The following PLA2R1 variants were observed in gnomAD, a reference collection of about 807,000 sequenced individuals.
The protein encoded by PLA2R1 is phospholipase A2 receptor 1, also known as secretory phospholipase A2 receptor.
A neutral mutation model predicts 195.9 loss-of-function variants in PLA2R1; 158 were observed. The observed-to-expected ratio is 0.81, with a 90% confidence interval of 0.71 to 0.92. PLA2R1 has a LOEUF of 0.92. Ranked by LOEUF, PLA2R1 falls within the 40% of genes least tolerant of loss-of-function variation. The pLI is 0.00. For missense variants in PLA2R1, 1,626 were observed against 1,764.6 expected, an observed-to-expected ratio of 0.92 and a Z score of 1.41; for synonymous variants, 586 against 598.2, an observed-to-expected ratio of 0.98 and a Z score of 0.30.
chr2:160,008,335 G>T, intron 10 of PLA2R1, among the ~76,000 whole-genome samples: 1 of 152,086 alleles, frequency 6.6e-6, no homozygotes, highest in East Asian at 1.9e-4. Context: ...CAAAAAACCA[G>T]TGTGGTACTA....
Position 159,932,657 on chromosome 2 carries a change from G to A in PLA2R1, c.*9121C>T, listed in dbSNP as rs1175864739. The A allele has an allele frequency of 6.6e-6, 1 of 152,154 alleles. No homozygotes were observed. Among genetic ancestry groups the A allele is most frequent in the Non-Finnish European group, 1.5e-5 (1 of 68,044 alleles). 9.4% of individuals were successfully genotyped at this position (152,154 alleles called of 1,614,324 possible). On this transcript the variant is annotated 3_prime_UTR_variant, in exon 30 of 30. Coordinates refer to ENST00000283243, the MANE Select transcript of PLA2R1 (RefSeq NM_007366.5). ...GCTCCTACCAAGCTCTGTATACTAA[G>A]AAGGTAAAAAGTAAAGTTTAAATAA...
At chr2:160,059,713 C>A (rs1695824651) in intron 1 of PLA2R1, among the ~76,000 whole-genome samples, 1 of 152,192 alleles carries the variant, frequency 6.6e-6, no homozygotes, top group Non-Finnish European at 1.5e-5. Flanking sequence ...TTTAGTTGGA[C>A]TCACAGTTCA....
chr2:159,924,663 AG>A, the PLA2R1 span, among the ~76,000 whole-genome samples: 3 of 144,214 alleles, frequency 2.1e-5, no homozygotes, highest in African/African-American at 7.5e-5. Context: ...CCAAATGCCA[AG>A]CCATGCAAGT....
intron 11 of PLA2R1, 61 bp downstream of exon 11, chr2:160,005,591 G>A: frequency 1.4e-6 from 2 of 1,433,344 alleles, no homozygotes; most frequent in South Asian, 2.5e-5. Flanking sequence ...GGGCCAAGGG[G>A]TGGAAGGAAT....
At chr2:159,976,613 A>T (rs141839669) in intron 16 of PLA2R1, 72 bp downstream of exon 16, 91 of 914,078 alleles carry the variant, frequency 1.0e-4, no homozygotes, top group Middle Eastern at 2.4e-4. Context: ...CAACACATTA[A>T]TGGTATATAA....
intron 24 of PLA2R1, among the ~76,000 whole-genome samples, chr2:159,950,482 T>C (rs1257064608): frequency 6.6e-6 from 1 of 152,240 alleles, no homozygotes; most frequent in Admixed American, 6.5e-5. Context: ...GCATTGTTTA[T>C]AACTGTGAAA....
At chr2:159,978,372 T>C (rs1689718990) in intron 14 of PLA2R1, among the ~76,000 whole-genome samples, 1 of 152,234 alleles carries the variant, frequency 6.6e-6, no homozygotes. Context: ...ATCCTTTATA[T>C]TCCTCCTCAA....
In PLA2R1 at chr2:159,952,657, A is replaced by G. The variant is rs1016040193; in HGVS notation, c.3302-1079T>C. On this transcript the variant is annotated intron_variant, in intron 23 of 29. Transcript: ENST00000283243. ...ATTAACCTTTCTAAACCTCAAATTT[A>G]TGGTCTACAAGAGATGATGAGGGTC... Among the ~76,000 whole-genome samples, 24 of 152,160 alleles carry G rather than the reference A, an allele frequency of 1.6e-4. 1 individual carries two copies. The highest frequency in any genetic ancestry group is 1.9e-4 in the Non-Finnish European group (13 of 68,022).
chr2:159,976,263 A>C (rs1443661758), intron 16 of PLA2R1, 38 bp from the exon 17 acceptor site: 1 of 1,489,938 alleles, frequency 6.7e-7, no homozygotes, highest in African/African-American at 1.4e-5. Context: ...TGAAATGATA[A>C]ATAGGTATGC....
At chr2:160,002,204 T>A (rs186974908) in intron 11 of PLA2R1, among the ~76,000 whole-genome samples, 98 of 151,948 alleles carry the variant, frequency 6.4e-4, no homozygotes, top group African/African-American at 2.3e-3. Flanking sequence ...AAATAATTTA[T>A]GGGTTGAAAT....
intron 20 of PLA2R1, among the ~76,000 whole-genome samples, chr2:159,958,930 T>C (rs1688271150): frequency 6.6e-6 from 1 of 152,196 alleles, no homozygotes; most frequent in Non-Finnish European, 1.5e-5. Context: ...CATGTCACCC[T>C]TTAGTTTAAA....
intron 13 of PLA2R1, among the ~76,000 whole-genome samples, chr2:159,983,682 T>C (rs984848760): frequency 1.3e-5 from 2 of 152,122 alleles, no homozygotes; most frequent in Non-Finnish European, 2.9e-5. Flanking sequence ...AGCTCTACAG[T>C]TCTGACTTGA....
intron 8 of PLA2R1, among the ~76,000 whole-genome samples, chr2:160,019,095 G>A (rs1573907788): frequency 6.6e-6 from 1 of 152,170 alleles, no homozygotes; most frequent in East Asian, 1.9e-4. Context: ...AGCTAATTCT[G>A]TATAATCAGA....
chr2:160,061,893 A>T (rs924797182), intron 1 of PLA2R1, among the ~76,000 whole-genome samples: 5 of 152,184 alleles, frequency 3.3e-5, no homozygotes, highest in Non-Finnish European at 7.3e-5. Flanking sequence ...CAAGGGGACG[A>T]ACTGAGCCAT....
At chr2:159,995,982 C>T (rs1691182500) in intron 11 of PLA2R1, among the ~76,000 whole-genome samples, 1 of 152,124 alleles carries the variant, frequency 6.6e-6, no homozygotes, top group Admixed American at 6.6e-5. Context: ...AAAAGCAAAT[C>T]TATCATCTAT....
chr2:160,062,344 G>C lies in PLA2R1; in HGVS notation c.60C>G (p.Ala20=), dbSNP rs1417289013. 1.3e-6 allele frequency: 2 copies of C among 1,531,956 alleles called. No homozygotes were observed. The highest frequency in any genetic ancestry group is 1.4e-5 in the African/African-American group (1 of 70,182). 94.9% of individuals were successfully genotyped at this position (1,531,956 alleles called of 1,614,324 possible). The stretch of plus-strand genomic sequence containing the variant: ...GGGTAAGCGCCGCCGCCACACCCTC[G>C]GCGCAGCCCCGCGGCGCCCCCAGCA... ...LLLLGAPRGC[A]EGVAAALTPE... Residue 20 remains alanine (A), a synonymous_variant, in exon 1 of 30, where the codon GCC becomes GCG. Coordinates refer to ENST00000283243, the MANE Select transcript of PLA2R1 (RefSeq NM_007366.5).
chr2:159,944,800 G>T, intron 28 of PLA2R1, 106 bp downstream of exon 28: 2 of 801,224 alleles, frequency 2.5e-6, no homozygotes, highest in Non-Finnish European at 4.2e-6. Flanking sequence ...GAATCTATCT[G>T]AATACTCTCT....
At chr2:160,036,466 C>T (rs1423723771) in intron 3 of PLA2R1, among the ~76,000 whole-genome samples, 1 of 152,178 alleles carries the variant, frequency 6.6e-6, no homozygotes, top group Admixed American at 6.5e-5. Flanking sequence ...TGGGGGAAAG[C>T]TGCCCCTACC....
rs1370264690 is a variant in PLA2R1, at chr2:159,936,844, AAAT to A, written c.*4931_*4933del. 2.0e-5 allele frequency: 3 copies of A among 152,238 alleles called. No individual in the cohort carries two copies. Among genetic ancestry groups the A allele is most frequent in the Non-Finnish European group, 2.9e-5 (2 of 68,032 alleles). 9.4% of individuals were successfully genotyped at this position (152,238 alleles called of 1,614,324 possible). On this transcript the variant is annotated 3_prime_UTR_variant, in exon 30 of 30. Transcript: ENST00000283243. ...CCATAGCAGGCTTCGCATGATCAAT[AAAT>A]TAACTTCTGAGTTTTGTTTTTAACC...
Sources: gnomAD v4.1 joint callset for allele counts (sites outside exome capture counted in the v4.1 genomes callset) on GRCh38, gnomAD v4.1.1 for gene constraint, MANE v1.5 for transcripts, NCBI Gene and HGNC (gene_info 2026-07-23, HGNC 2026-07-21) for gene names.